AGBL4: variants seen among roughly 807,000 people sequenced by gnomAD.
AGBL4 encodes the protein cytosolic carboxypeptidase 6.
In AGBL4, 58 loss-of-function variants were observed where a neutral mutation model predicts 66.4. The ratio of observed to expected loss-of-function variants is 0.87; its 90% CI spans 0.71 to 1.09. The LOEUF is 1.09. Ranked by LOEUF, AGBL4 falls within the 50% of genes least tolerant of loss-of-function variation. The pLI is 0.00. For missense variants in AGBL4, 579 were observed against 631.0 expected (o/e 0.92, Z 0.88); for synonymous variants, 234 against 222.9 (o/e 1.05, Z -0.44).
intron 1 of AGBL4, among the ~76,000 whole-genome samples, chr1:49,858,662 G>C (rs1646491520): frequency 6.6e-6 from 1 of 152,008 alleles, no homozygotes; most frequent in African/African-American, 2.4e-5. Flanking sequence ...AGTGATAAAG[G>C]AGTCAGCTCA....
intron 11 of AGBL4, among the ~76,000 whole-genome samples, chr1:48,554,703 C>T (rs1488559303): frequency 6.6e-6 from 1 of 151,874 alleles, no homozygotes; most frequent in Non-Finnish European, 1.5e-5. Context: ...GGACTATTTT[C>T]CAGGTACTGT....
intron 3 of AGBL4, among the ~76,000 whole-genome samples, chr1:49,435,941 A>G (rs1645893500): frequency 6.6e-6 from 1 of 152,172 alleles, no homozygotes; most frequent in South Asian, 2.1e-4. Flanking sequence ...GCTCTTCTAC[A>G]TTTGTAAGAT....
chr1:49,301,470 C>T (rs1644743739), intron 3 of AGBL4, among the ~76,000 whole-genome samples: 1 of 152,162 alleles, frequency 6.6e-6, no homozygotes, highest in Non-Finnish European at 1.5e-5. Context: ...AGCAAGTATG[C>T]TAATAGTCCC....
At chr1:49,295,718 A>T (rs558272184) in intron 3 of AGBL4, among the ~76,000 whole-genome samples, 5 of 152,176 alleles carry the variant, frequency 3.3e-5, no homozygotes, top group Admixed American at 3.3e-4. Flanking sequence ...TGACTCTCCA[A>T]TGGAAAATGC....
intron 6 of AGBL4, among the ~76,000 whole-genome samples, chr1:48,714,677 C>G (rs1270199717): frequency 6.6e-6 from 1 of 152,206 alleles, no homozygotes; most frequent in Non-Finnish European, 1.5e-5. Context: ...TGGCTCAACA[C>G]TCTTCAATGA....
intron 5 of AGBL4, among the ~76,000 whole-genome samples, chr1:49,035,993 G>C (rs992292524): frequency 6.6e-6 from 1 of 151,826 alleles, no homozygotes; most frequent in Admixed American, 6.6e-5. Context: ...GGCAAGGTTT[G>C]AAAAACTAAC....
At chr1:49,887,197 G>GTA (rs1045517367) in intron 1 of AGBL4, among the ~76,000 whole-genome samples, 19 of 146,180 alleles carry the variant, frequency 1.3e-4, no homozygotes, top group Admixed American at 2.8e-4. Flanking sequence ...ATATGTGTAT[G>GTA]TATATATATA....
intron 9 of AGBL4, among the ~76,000 whole-genome samples, chr1:48,617,575 C>T (rs1009845488): frequency 1.3e-5 from 2 of 152,226 alleles, no homozygotes; most frequent in African/African-American, 4.8e-5. Context: ...TATTCTCTTC[C>T]TACGTGCTTC....
intron 3 of AGBL4, among the ~76,000 whole-genome samples, chr1:49,515,643 G>A (rs533974906): frequency 8.5e-4 from 129 of 151,744 alleles, no homozygotes; most frequent in Non-Finnish European, 1.3e-3. Flanking sequence ...CAACCCAAAT[G>A]TCCAACAATG....
intron 6 of AGBL4, among the ~76,000 whole-genome samples, chr1:48,714,465 A>G (rs139188961): frequency 6.6e-6 from 1 of 152,286 alleles, no homozygotes; most frequent in Non-Finnish European, 1.5e-5. Context: ...TAACCCAAAT[A>G]TAGAATTCTG....
intron 3 of AGBL4, chr1:49,469,962 T>C (rs1646708747): frequency 6.6e-6 from 1 of 151,944 alleles, no homozygotes; most frequent in African/African-American, 2.4e-5. Context: ...TAATAGTGTG[T>C]CCTCGGGTAA....
At chr1:49,897,956 A>C (rs1649390218) in intron 1 of AGBL4, among the ~76,000 whole-genome samples, 1 of 152,076 alleles carries the variant, frequency 6.6e-6, no homozygotes. Context: ...ATGTACAAAA[A>C]TCAAATCAAA....
intron 3 of AGBL4, among the ~76,000 whole-genome samples, chr1:49,322,976 T>G (rs1291431947): frequency 6.6e-6 from 1 of 152,260 alleles, no homozygotes; most frequent in East Asian, 1.9e-4. Context: ...TGTCCTACAT[T>G]TTTTAATTTC....
chr1:48,695,466 C>T (rs1646700144), intron 6 of AGBL4, among the ~76,000 whole-genome samples: 2 of 152,212 alleles, frequency 1.3e-5, no homozygotes, highest in African/African-American at 4.8e-5. Context: ...ATCAGGATTG[C>T]TTCCAGAAAT....
intron 6 of AGBL4, among the ~76,000 whole-genome samples, chr1:48,764,064 CA>C (rs1644410458): frequency 6.6e-6 from 1 of 152,108 alleles, no homozygotes; most frequent in Non-Finnish European, 1.5e-5. Flanking sequence ...CACAGATGAA[CA>C]AACATCCAGT....
chr1:49,607,397 T>C (rs1387561894), intron 3 of AGBL4, among the ~76,000 whole-genome samples: 1 of 152,210 alleles, frequency 6.6e-6, no homozygotes, highest in Admixed American at 6.5e-5. Flanking sequence ...ATGATTCATT[T>C]GATCCAGATA....
At chr1:49,885,218 A>C (rs919734917) in intron 1 of AGBL4, among the ~76,000 whole-genome samples, 1 of 152,002 alleles carries the variant, frequency 6.6e-6, no homozygotes, top group Non-Finnish European at 1.5e-5. Flanking sequence ...GTCTGTCAAA[A>C]GTTCCATTAT....
At chr1:49,674,200 C>T (rs557013668) in intron 3 of AGBL4, among the ~76,000 whole-genome samples, 1 of 152,170 alleles carries the variant, frequency 6.6e-6, no homozygotes, top group South Asian at 2.1e-4. Flanking sequence ...TCTTAGAACA[C>T]CACCAGCCTT....
chr1:49,760,216 T>C (rs1652201401), intron 2 of AGBL4, among the ~76,000 whole-genome samples: 1 of 152,190 alleles, frequency 6.6e-6, no homozygotes, highest in African/African-American at 2.4e-5. Context: ...GATGGGTAGA[T>C]TGCAAAAATT....
Sources: allele counts gnomAD v4.1 joint callset (sites outside exome capture counted in the v4.1 genomes callset), GRCh38; gene constraint gnomAD v4.1.1; transcripts MANE v1.5; gene names NCBI Gene and HGNC (gene_info 2026-07-23, HGNC 2026-07-21).